The following CDH18 variants were observed in gnomAD, a reference collection of about 807,000 sequenced individuals.
CDH18 encodes cadherin-18.
A neutral mutation model predicts 67.9 loss-of-function variants in CDH18; 31 were observed. That is an observed-to-expected ratio of 0.46 (90% CI 0.34 to 0.62). The LOEUF (loss-of-function observed/expected upper bound fraction) is 0.62, where lower values mean the gene tolerates loss of function less well. Ranked by LOEUF, CDH18 falls within the 20% of genes least tolerant of loss-of-function variation. The pLI is 0.01. For synonymous variants in CDH18, 362 were observed against 347.2 expected, an observed-to-expected ratio of 1.04 and a Z score of -0.48; for missense variants, 890 against 975.5, an observed-to-expected ratio of 0.91 and a Z score of 1.17.
In CDH18 at chr5:20,468,307, C is replaced by T. The variant is rs77910036; in HGVS notation, c.-580+107155G>A. 2.8e-3 allele frequency among the ~76,000 whole-genome samples: 425 copies of T among 152,270 alleles called. 3 individuals carry two copies. The highest frequency in any genetic ancestry group is 9.8e-3 in the African/African-American group (409 of 41,564). On this transcript the variant is annotated intron_variant, in intron 1 of 14. Transcript: ENST00000507958. ...TTGGGATTACAGGCATGAGCTGCCA[C>T]GCCCAGCCTACTTACTTTCTAATTG...
intron 5 of CDH18, among the ~76,000 whole-genome samples, chr5:19,643,251 C>G (rs1437614449): frequency 6.6e-6 from 1 of 151,914 alleles, no homozygotes; most frequent in Non-Finnish European, 1.5e-5. Flanking sequence ...TAAATTGGCA[C>G]AGAAATTATG....
intron 2 of CDH18, among the ~76,000 whole-genome samples, chr5:19,929,151 G>A (rs1793412947): frequency 7.0e-6 from 1 of 143,384 alleles, no homozygotes; most frequent in African/African-American, 3.0e-5. Flanking sequence ...ATGATCAATG[G>A]AAAAGAAAAC....
At position 20,280,001 on chromosome 5, in the gene CDH18, T is replaced by C. The variant is rs181050298; in HGVS notation, c.-579-24496A>G. Among the ~76,000 whole-genome samples the C allele has an allele frequency of 4.1e-4, 63 of 151,948 alleles. 1 individual carries two copies. Among genetic ancestry groups the C allele is most frequent in the Admixed American group, 3.6e-3 (55 of 15,258 alleles). On this transcript the variant is annotated intron_variant, in intron 1 of 14. Transcript: ENST00000507958. ...ACAAGTCTTAAAAAATTCAAAAACA[T>C]TGAAATTACATCAAAGTTATTATCT...
intron 2 of CDH18, among the ~76,000 whole-genome samples, chr5:19,946,872 G>A (rs913798952): frequency 7.2e-5 from 11 of 152,052 alleles, no homozygotes; most frequent in Admixed American, 3.3e-4. Flanking sequence ...ATTCAGCAAC[G>A]TATAAAATTT....
At chr5:19,880,611 A>G (rs1004165402) in intron 2 of CDH18, among the ~76,000 whole-genome samples, 3 of 152,126 alleles carry the variant, frequency 2.0e-5, no homozygotes, top group Non-Finnish European at 4.4e-5. Context: ...TCAAGAGATC[A>G]ATTTGGTGTA....
chr5:19,626,187 C>G (rs936467125), intron 5 of CDH18, among the ~76,000 whole-genome samples: 1 of 152,014 alleles, frequency 6.6e-6, no homozygotes, highest in African/African-American at 2.4e-5. Flanking sequence ...AACACTAAAG[C>G]AAAATAACAA....
intron 2 of CDH18, among the ~76,000 whole-genome samples, chr5:20,233,880 C>T (rs891941379): frequency 1.3e-5 from 2 of 152,044 alleles, no homozygotes; most frequent in Non-Finnish European, 2.9e-5. Flanking sequence ...CTATTTATCA[C>T]CTTCTTGAAT....
chr5:20,441,643 T>G (rs1227691972), intron 1 of CDH18, among the ~76,000 whole-genome samples: 1 of 152,046 alleles, frequency 6.6e-6, no homozygotes, highest in Non-Finnish European at 1.5e-5. Context: ...TCTCTTAACT[T>G]TAGTTAATTC....
chr5:20,466,407 C>A (rs1240104662), intron 1 of CDH18, among the ~76,000 whole-genome samples: 1 of 152,012 alleles, frequency 6.6e-6, no homozygotes, highest in Admixed American at 6.6e-5. Context: ...AATCTTGCAG[C>A]CTTGCCGTGC....
chr5:20,135,238 G>T (rs1749602976), intron 2 of CDH18, among the ~76,000 whole-genome samples: 1 of 151,962 alleles, frequency 6.6e-6, no homozygotes, highest in South Asian at 2.1e-4. Flanking sequence ...AAAACCTGTT[G>T]AAATTCTTTG....
intron 11 of CDH18, among the ~76,000 whole-genome samples, chr5:19,491,732 A>G (rs1741496534): frequency 6.6e-6 from 1 of 152,158 alleles, no homozygotes; most frequent in African/African-American, 2.4e-5. Context: ...GTTTCCTTTT[A>G]AGTGTTTTGT....
intron 2 of CDH18, among the ~76,000 whole-genome samples, chr5:20,204,138 G>A (rs961636878): frequency 2.6e-5 from 4 of 151,962 alleles, no homozygotes; most frequent in African/African-American, 9.7e-5. Context: ...TCCAGGTGCA[G>A]AAACGTCAGA....
rs558663428 is a variant in CDH18 at position 19,921,391 on chromosome 5, A to C, written c.-257+59669T>G. Among the ~76,000 whole-genome samples the C allele has an allele frequency of 3.6e-3, 547 of 151,878 alleles. 3 individuals are homozygous for C. The highest frequency in any genetic ancestry group is 0.02 in the Middle Eastern group (6 of 294). On this transcript the variant is annotated intron_variant, in intron 2 of 12. Coordinates refer to ENST00000382275, the MANE Select transcript of CDH18 (RefSeq NM_004934.5). ...CTAAAAATACAAATAATTAGCCAGG[A>C]GTGGTGGCGGGCACCTGTAGTCCCA...
chr5:20,233,460 TAC>T (rs1401198342), intron 2 of CDH18, among the ~76,000 whole-genome samples: 2 of 151,960 alleles, frequency 1.3e-5, no homozygotes, highest in Non-Finnish European at 2.9e-5. Context: ...TATTGACAGA[TAC>T]AGTCAGTTAG....
At chr5:20,261,002 A>G (rs566041034) in intron 1 of CDH18, among the ~76,000 whole-genome samples, 1 of 152,226 alleles carries the variant, frequency 6.6e-6, no homozygotes, top group Non-Finnish European at 1.5e-5. Context: ...CTGATTTACA[A>G]AAACTATGAA....
At chr5:20,408,864 A>C (rs1185551544) in intron 1 of CDH18, among the ~76,000 whole-genome samples, 1 of 151,822 alleles carries the variant, frequency 6.6e-6, no homozygotes, top group Non-Finnish European at 1.5e-5. Flanking sequence ...ATAAATAATG[A>C]GATGGAAAAA....
intron 2 of CDH18, among the ~76,000 whole-genome samples, chr5:20,028,888 G>GT (rs1395280672): frequency 3.3e-5 from 5 of 152,124 alleles, no homozygotes; most frequent in Non-Finnish European, 4.4e-5. Context: ...GGGCACTACT[G>GT]TATCTGCGAC....
intron 2 of CDH18, among the ~76,000 whole-genome samples, chr5:20,122,270 G>C (rs1748422192): frequency 6.6e-6 from 1 of 152,254 alleles, no homozygotes; most frequent in East Asian, 1.9e-4. Context: ...TTAGATGTAA[G>C]CCTTTGAAAA....
intron 2 of CDH18, among the ~76,000 whole-genome samples, chr5:19,958,326 A>C (rs1307272439): frequency 7.5e-6 from 1 of 133,514 alleles, no homozygotes; most frequent in Non-Finnish European, 1.6e-5. Flanking sequence ...AAAATATTGG[A>C]GCTTATTTCT....
Sources: allele counts gnomAD v4.1 joint callset (sites outside exome capture counted in the v4.1 genomes callset), GRCh38; gene constraint gnomAD v4.1.1; transcripts MANE v1.5; gene names NCBI Gene and HGNC (gene_info 2026-07-23, HGNC 2026-07-21).